Variants in LRP5 observed in about 807,000 individuals in gnomAD.
The protein encoded by LRP5 is LDL receptor related protein 5.
Under a neutral mutation model 154.1 loss-of-function variants are expected in LRP5, and 62 were observed. The observed-to-expected ratio is 0.40, with a 90% CI of 0.33 to 0.50. The LOEUF is 0.50. LRP5 is among the 20% of genes least tolerant of loss of function. LRP5 has a pLI of 0.55. For missense variants in LRP5, 1,915 were observed against 2,336.7 expected (o/e 0.82, Z 3.72); for synonymous variants, 966 against 1,011.5 (o/e 0.96, Z 0.85).
chr11:68,445,182 C>T lies in LRP5; in HGVS notation c.4489-1254C>T, dbSNP rs559038055. 6.6e-5 allele frequency among the ~76,000 whole-genome samples: 10 copies of T among 152,316 alleles called. No individual in the cohort carries two copies. The East Asian group carries it at 1.9e-3, about 29-fold the overall frequency. On this transcript the variant is annotated intron_variant, in intron 21 of 22. Transcript: ENST00000294304. ...TGGTGCGATCTCAACCCACTGCAGC[C>T]TCTGCCTCCAGGGTTCAAGGGATTC...
chr11:68,358,627 A>T (rs998882972), intron 3 of LRP5, among the ~76,000 whole-genome samples: 1 of 152,174 alleles, frequency 6.6e-6, no homozygotes, highest in African/African-American at 2.4e-5. Context: ...TGCATTCCCC[A>T]GTCTCACCAG....
At chr11:68,396,512 C>T (rs765404718) in intron 7 of LRP5, among the ~76,000 whole-genome samples, 4 of 152,158 alleles carry the variant, frequency 2.6e-5, no homozygotes, top group African/African-American at 4.8e-5. Context: ...GAGGACTTCA[C>T]GGGCAGCTGT....
the LRP5 span, among the ~76,000 whole-genome samples, chr11:68,302,083 A>C: frequency 6.6e-6 from 1 of 151,336 alleles, no homozygotes; most frequent in Non-Finnish European, 1.5e-5. Context: ...GGGGCCAGGC[A>C]CAGTGGCTCA....
Position 68,439,006 on chromosome 11 carries a change from C to T in LRP5, c.4348+324C>T, listed in dbSNP as rs192338343. 1.1e-3 allele frequency among the ~76,000 whole-genome samples: 165 copies of T among 152,276 alleles called. 2 individuals are homozygous for T. Among genetic ancestry groups the T allele is most frequent in the African/African-American group, 3.8e-3 (159 of 41,550 alleles). On this transcript the variant is annotated intron_variant, in intron 20 of 22. Coordinates refer to ENST00000294304, the MANE Select transcript of LRP5 (RefSeq NM_002335.4). ...TGTACCCTAGAAATGAATGTGGGGG[C>T]GGCTGGGCTCTCTCCAGAGCTGAAG...
intron 16 of LRP5, among the ~76,000 whole-genome samples, chr11:68,426,451 A>G (rs1444046676): frequency 7.9e-6 from 1 of 126,244 alleles, no homozygotes. Flanking sequence ...TTGAGTCAGG[A>G]TCTTGCTCTG....
rs1565335793 is a variant in LRP5, at chr11:68,348,460, CGG to C, written c.488+218_488+219del. Among the ~76,000 whole-genome samples, 463 of 142,092 alleles carry C rather than the reference CGG, an allele frequency of 3.3e-3. 5 individuals are homozygous for C. The highest frequency in any genetic ancestry group is 0.011 in the African/African-American group (435 of 38,594). The allele number at this position is 142,092 out of a possible 152,430, so 93.2% of individuals were successfully genotyped here. On this transcript the variant is annotated intron_variant, in intron 2 of 22. Transcript: ENST00000294304. The stretch of plus-strand genomic sequence containing the variant: ...GGCTCAGGCCTGTAACCCCAGCACT[CGG>C]TGTCACTCTTAAAATGAACCCGTGG...
At chr11:68,364,322 GTATA>G (rs147870595) in intron 4 of LRP5, among the ~76,000 whole-genome samples, 2 of 150,558 alleles carry the variant, frequency 1.3e-5, no homozygotes, top group African/African-American at 4.9e-5. Flanking sequence ...ACGTATGTGT[GTATA>G]TATATATATG....
chr11:68,426,730 G>A (rs962461779), intron 16 of LRP5, among the ~76,000 whole-genome samples: 4 of 152,130 alleles, frequency 2.6e-5, no homozygotes, highest in East Asian at 1.9e-4. Context: ...CAACACCCAC[G>A]GATTGTCTCT....
chr11:68,351,290 C>T (rs751882829), intron 2 of LRP5, among the ~76,000 whole-genome samples: 15 of 152,044 alleles, frequency 9.9e-5, no homozygotes, highest in Non-Finnish European at 1.9e-4. Flanking sequence ...GCTAGCCACC[C>T]CTGCAGCTGC....
chr11:68,328,919 C>T (rs182127803), intron 1 of LRP5, among the ~76,000 whole-genome samples: 1 of 152,352 alleles, frequency 6.6e-6, no homozygotes, highest in Non-Finnish European at 1.5e-5. Flanking sequence ...CAGTGGGGCA[C>T]AGACCTTCCT....
chr11:68,362,874 G>A (rs58779840), intron 3 of LRP5, among the ~76,000 whole-genome samples: 7,218 of 152,196 alleles, frequency 0.047, 571 homozygotes, highest in African/African-American at 0.16. Flanking sequence ...GGCTGGGGAC[G>A]TGGCGGGGAC....
chr11:68,328,399 T>A (rs1306370696), intron 1 of LRP5, among the ~76,000 whole-genome samples: 2 of 152,232 alleles, frequency 1.3e-5, no homozygotes, highest in Non-Finnish European at 2.9e-5. Flanking sequence ...TGTGTTTCCT[T>A]CCCCAGATGT....
At position 68,425,129 on chromosome 11, in the gene LRP5, C is replaced by T. The variant is rs762012801; in HGVS notation, c.3264C>T (p.Asp1088=). 4 of 1,613,756 alleles carry T rather than the reference C, an allele frequency of 2.5e-6. No individual in the cohort carries two copies. Among genetic ancestry groups the T allele is most frequent in the Non-Finnish European group, 3.4e-6 (4 of 1,180,002 alleles). The change falls in exon 15 of 23, where the codon GAC becomes GAT. Residue 1088 remains aspartate, a synonymous_variant. Transcript: ENST00000294304. ...ACCTGTACTTCACCAACATGCAGGA[C>T]CGGGCAGCCAAGATCGAACGCGCAG... The part of the protein sequence containing the change: ...RGYLYFTNMQ[D]RAAKIERAAL...
intron 3 of LRP5, among the ~76,000 whole-genome samples, chr11:68,359,519 A>G (rs2098625913): frequency 6.6e-6 from 1 of 152,140 alleles, no homozygotes; most frequent in Non-Finnish European, 1.5e-5. Context: ...GGATGGTGAC[A>G]GGGGACAGTG....
At chr11:68,422,651 G>C (rs768808289) in intron 13 of LRP5, among the ~76,000 whole-genome samples, 3 of 152,148 alleles carry the variant, frequency 2.0e-5, no homozygotes, top group Non-Finnish European at 2.9e-5. Flanking sequence ...AGAGAGTGTG[G>C]AGACGGAGAG....
At chr11:68,321,557 T>TTGACATTTGTGGGTTTTGC (rs1363475245) in intron 1 of LRP5, among the ~76,000 whole-genome samples, 3 of 152,066 alleles carry the variant, frequency 2.0e-5, no homozygotes, top group Admixed American at 6.5e-5. Context: ...GGAGCCGGCC[T>TTGACATTTGTGGGTTTTGC]TGACATTTGT....
At chr11:68,311,412 C>G (rs1477993504), upstream of LRP5, among the ~76,000 whole-genome samples, 1 of 152,156 alleles carries the variant, frequency 6.6e-6, no homozygotes, top group Non-Finnish European at 1.5e-5. Context: ...CCTGAACTGC[C>G]CTCCCACCGG....
chr11:68,345,987 C>G (rs2098612588), intron 1 of LRP5, among the ~76,000 whole-genome samples: 1 of 152,104 alleles, frequency 6.6e-6, no homozygotes, highest in Non-Finnish European at 1.5e-5. Context: ...AATGTCTGTT[C>G]AAGTTGTTTG....
chr11:68,361,927 C>G (rs1311111017), intron 3 of LRP5, among the ~76,000 whole-genome samples: 1 of 152,224 alleles, frequency 6.6e-6, no homozygotes, highest in African/African-American at 2.4e-5. Flanking sequence ...TAGCTGTATA[C>G]TCTTAAGAAT....
Sources: gnomAD v4.1 joint callset for allele counts (sites outside exome capture counted in the v4.1 genomes callset) on GRCh38, gnomAD v4.1.1 for gene constraint, MANE v1.5 for transcripts, NCBI Gene and HGNC (gene_info 2026-07-23, HGNC 2026-07-21) for gene names.